Variants in ITGA11 observed in about 807,000 individuals in gnomAD.
ITGA11 encodes the protein integrin alpha-11.
In ITGA11, 97 loss-of-function variants were observed where a neutral mutation model predicts 141.9. The observed-to-expected ratio is 0.68, with a 90% CI of 0.58 to 0.81. The LOEUF is 0.81. Ranked by LOEUF, ITGA11 falls within the 30% of genes least tolerant of loss-of-function variation. The probability of loss-of-function intolerance (pLI) is 0.00; values close to 1 mark genes in which losing one functional copy is unlikely to be tolerated. For synonymous variants in ITGA11, 658 were observed against 624.6 expected (o/e 1.05, Z -0.80); for missense variants, 1,387 against 1,559.2 (o/e 0.89, Z 1.86).
At chr15:68,353,709 C>T (rs1008599624) in intron 7 of ITGA11, among the ~76,000 whole-genome samples, 2 of 152,092 alleles carry the variant, frequency 1.3e-5, no homozygotes, top group African/African-American at 4.8e-5. Context: ...GCAGCAAGAG[C>T]TTTATACTCA....
At position 68,335,938 on chromosome 15, in the gene ITGA11, G is replaced by T; in HGVS notation, c.1277-93C>A. On this transcript the variant is annotated intron_variant, in intron 11 of 29. Transcript: ENST00000315757. The surrounding 1 kb of genome is among the most constrained non-coding windows in gnomAD (Gnocchi z 4.9). ...ATGGCTTGGCAGTGCCAGAGGATGG[G>T]CCAGTGATGGGGTAGGTTCAGGGCT... 1 of 1,417,968 alleles carries T rather than the reference G, an allele frequency of 7.1e-7. No homozygotes were observed. 87.8% of individuals were successfully genotyped at this position (1,417,968 alleles called of 1,614,324 possible).
intron 1 of ITGA11, among the ~76,000 whole-genome samples, chr15:68,423,597 C>G (rs1352286364): frequency 6.6e-6 from 1 of 152,150 alleles, no homozygotes; most frequent in East Asian, 1.9e-4. Context: ...GTCAAAGAGT[C>G]TGGACTCAAC....
chr15:68,426,359 T>C, intron 1 of ITGA11, among the ~76,000 whole-genome samples: 1 of 152,144 alleles, frequency 6.6e-6, no homozygotes. Context: ...CGCCAAACCT[T>C]GACCCTGAGA....
In ITGA11 at chr15:68,315,743, C is replaced by A. The variant is rs374545157; in HGVS notation, c.2716-16G>T. Reference sequence around the variant, plus strand: ...GGAAAGCCACCTGCAAGGAAGCAGTCGCATGTCTGGGCATTGCTGGGACCA... The same window carrying A: ...GGAAAGCCACCTGCAAGGAAGCAGTAGCATGTCTGGGCATTGCTGGGACCA... On this transcript the variant is annotated splice_polypyrimidine_tract_variant and intron_variant, in intron 21 of 29. Transcript: ENST00000315757. 2.5e-6 allele frequency: 4 copies of A among 1,599,458 alleles called. No individual in the cohort carries two copies. The highest frequency in any genetic ancestry group is 3.4e-6 in the Non-Finnish European group (4 of 1,172,160).
intron 12 of ITGA11, 147 bp from the exon 13 acceptor site, chr15:68,332,625 CCT>C: frequency 2.4e-6 from 2 of 840,202 alleles, no homozygotes; most frequent in South Asian, 1.8e-5. Context: ...TCACGCGCTA[CCT>C]CTCTCTCCTG....
At chr15:68,404,416 C>T (rs1448069519) in intron 1 of ITGA11, among the ~76,000 whole-genome samples, 1 of 152,216 alleles carries the variant, frequency 6.6e-6, no homozygotes, top group East Asian at 1.9e-4. Context: ...TGTCAGTTAA[C>T]TAATTCTTCC....
chr15:68,311,269 G>T (rs762503753), intron 25 of ITGA11, 21 bp downstream of exon 25: 2 of 1,515,440 alleles, frequency 1.3e-6, no homozygotes, highest in South Asian at 1.2e-5. Context: ...TCCCCTAGCC[G>T]GCTCCCAAGG....
In ITGA11 at chr15:68,397,533, A is replaced by AT. The variant is rs1421405398; in HGVS notation, c.164+5384dup. On this transcript the variant is annotated intron_variant, in intron 2 of 29. Transcript: ENST00000315757. ...AAATATATTTAAAATATTATAAAAT[A>AT]TTTAAAATATTATATTTAAAATATT... 1.3e-4 allele frequency among the ~76,000 whole-genome samples: 7 copies of AT among 55,172 alleles called. 1 individual carries two copies. The highest frequency in any genetic ancestry group is 7.3e-4 in the African/African-American group (7 of 9,586). 36.2% of individuals were successfully genotyped at this position (55,172 alleles called of 152,430 possible).
At chr15:68,378,163 G>C (rs183731705) in intron 2 of ITGA11, among the ~76,000 whole-genome samples, 1 of 152,370 alleles carries the variant, frequency 6.6e-6, no homozygotes, top group Admixed American at 6.5e-5. Flanking sequence ...CCGTGGGCCA[G>C]AGCCTCTGTT....
intron 2 of ITGA11, among the ~76,000 whole-genome samples, chr15:68,397,872 T>C (rs1245455180): frequency 1.4e-5 from 2 of 147,268 alleles, no homozygotes; most frequent in East Asian, 1.9e-4. Context: ...GAAAAGAATC[T>C]TCAACCCAGA....
In ITGA11 at chr15:68,307,352, C is replaced by A; in HGVS notation, c.3377G>T (p.Arg1126Leu). 1.3e-6 allele frequency: 2 copies of A among 1,554,146 alleles called. No individual in the cohort carries two copies. Among genetic ancestry groups the A allele is most frequent in the Non-Finnish European group, 1.7e-6 (2 of 1,147,898 alleles). Residue 1126 changes from arginine to leucine, a missense_variant, in exon 28 of 30, where the codon CGC (arginine) becomes CTC (leucine). Arg to Leu is a moderately radical substitution (Grantham distance 102). Coordinates refer to ENST00000315757, the MANE Select transcript of ITGA11 (RefSeq NM_001004439.2). This position sits in a 1 kb window ranked among gnomAD's most constrained non-coding sequence, Gnocchi z 6.1. The part of the protein sequence containing the change: ...PFIFREEDPS[R>L]QIVFEISKQE... The stretch of plus-strand genomic sequence containing the variant: ...GCAGGGCTCCCAGGGGCTCACCTGG[C>A]GGCTGGGATCCTCCTCACGGAAGAT...
At chr15:68,339,350 C>T in intron 11 of ITGA11, 150 bp downstream of exon 11, 1 of 838,766 alleles carries the variant, frequency 1.2e-6, no homozygotes, top group Non-Finnish European at 1.8e-6. Context: ...GAGGAAATGC[C>T]CCCGGGGATG....
chr15:68,372,286 C>T (rs1015216351), intron 2 of ITGA11, among the ~76,000 whole-genome samples: 2 of 152,182 alleles, frequency 1.3e-5, no homozygotes, highest in African/African-American at 2.4e-5. Flanking sequence ...GTTCACGTCA[C>T]CACTGAGACC....
intron 20 of ITGA11, among the ~76,000 whole-genome samples, chr15:68,319,947 T>A (rs916724063): frequency 5.3e-5 from 8 of 151,878 alleles, no homozygotes; most frequent in East Asian, 2.0e-4. Context: ...TTTTTTTTTT[T>A]ATTTAATTAC....
At chr15:68,338,888 T>A (rs1294804668) in intron 11 of ITGA11, among the ~76,000 whole-genome samples, 1 of 152,194 alleles carries the variant, frequency 6.6e-6, no homozygotes, top group East Asian at 1.9e-4. Flanking sequence ...CCTCTGGCCC[T>A]TCCTTTAGAA....
At chr15:68,369,114 G>A (rs561609753) in intron 3 of ITGA11, 70 bp downstream of exon 3, 25 of 1,049,964 alleles carry the variant, frequency 2.4e-5, no homozygotes, top group East Asian at 7.1e-5. Flanking sequence ...GGACATGGGC[G>A]TGCATCAGAG....
In ITGA11 at chr15:68,307,279, G is replaced by A; in HGVS notation, c.3381+69C>T. ...AGGGGTTGTAGGAAAACTCTATAGA[G>A]GAGCACGGCCAACCCTTTCCCAAGC... is the stretch of plus-strand genomic sequence containing the variant. On this transcript the variant is annotated intron_variant, in intron 28 of 29. Transcript: ENST00000315757. The surrounding 1 kb of genome is among the most constrained non-coding windows in gnomAD (Gnocchi z 6.1). The A allele has an allele frequency of 8.9e-7, 1 of 1,126,996 alleles. No individual in the cohort carries two copies. The highest frequency in any genetic ancestry group is 1.3e-5 in the South Asian group (1 of 74,808). The allele number at this position is 1,126,996 out of a possible 1,614,324, so 69.8% of individuals were successfully genotyped here. A position where few individuals can be genotyped will look rare whatever the true frequency, so the allele number is the denominator to read the frequency against.
At chr15:68,350,477 A>G in intron 9 of ITGA11, 140 bp downstream of exon 9, 2 of 785,922 alleles carry the variant, frequency 2.5e-6, no homozygotes, top group East Asian at 3.0e-5. Context: ...GGCGTGAGTC[A>G]CCATGCCTGG....
intron 2 of ITGA11, among the ~76,000 whole-genome samples, chr15:68,395,308 A>C (rs1361570088): frequency 6.6e-6 from 1 of 151,900 alleles, no homozygotes; most frequent in Non-Finnish European, 1.5e-5. Flanking sequence ...CAATGGAACA[A>C]AGCTGGATGG....
Sources: allele counts gnomAD v4.1 joint callset (sites outside exome capture counted in the v4.1 genomes callset), GRCh38; gene constraint gnomAD v4.1.1; non-coding constraint Gnocchi (gnomAD v3.1); transcripts MANE v1.5; gene names NCBI Gene and HGNC (gene_info 2026-07-23, HGNC 2026-07-21).